Variants in TMEM132C observed in about 807,000 individuals in gnomAD.
TMEM132C encodes the protein transmembrane protein 132C.
In TMEM132C, 29 loss-of-function variants were observed where a neutral mutation model predicts 61.4. The ratio of observed to expected loss-of-function variants is 0.47; its 90% CI spans 0.35 to 0.64. TMEM132C has a LOEUF of 0.64. TMEM132C is among the 30% of genes least tolerant of loss of function. TMEM132C has a pLI of 0.00. For synonymous variants in TMEM132C, 656 were observed against 633.1 expected (o/e 1.04, Z -0.54); for missense variants, 1,408 against 1,476.9 (o/e 0.95, Z 0.76).
chr12:128,453,885 C>G (rs916767693), intron 2 of TMEM132C, among the ~76,000 whole-genome samples: 1 of 152,124 alleles, frequency 6.6e-6, no homozygotes, highest in African/African-American at 2.4e-5. Flanking sequence ...GCCTCAACAT[C>G]TCAACAATTA....
intron 2 of TMEM132C, among the ~76,000 whole-genome samples, chr12:128,427,343 GT>G (rs1472213188): frequency 6.6e-6 from 1 of 151,032 alleles, no homozygotes; most frequent in Non-Finnish European, 1.5e-5. Flanking sequence ...AGTGGGGTGT[GT>G]TTTTTTGTAT....
intron 1 of TMEM132C, among the ~76,000 whole-genome samples, chr12:128,367,571 C>T (rs564367534): frequency 7.2e-5 from 11 of 152,208 alleles, no homozygotes; most frequent in East Asian, 1.9e-4. Flanking sequence ...CCCTAGCAAG[C>T]GCACAGAGAC....
chr12:128,445,184 T>G (rs967576893), intron 2 of TMEM132C, among the ~76,000 whole-genome samples: 4 of 111,418 alleles, frequency 3.6e-5, no homozygotes, highest in Non-Finnish European at 1.8e-5. Flanking sequence ...ATAGAAAAAG[T>G]TAAAATGTTA....
chr12:128,436,549 T>C (rs1224274235), intron 2 of TMEM132C, among the ~76,000 whole-genome samples: 1 of 152,236 alleles, frequency 6.6e-6, no homozygotes, highest in Non-Finnish European at 1.5e-5. Context: ...GAAAAAATGC[T>C]CATCATCACT....
chr12:128,267,453 G>T lies in TMEM132C; in HGVS notation c.51G>T (p.Ala17=). The part of the protein sequence containing the change: ...APGPAAPLCG[A]LSLLLGALLG... ...GGCCGGCGGCGCCGCTGTGCGGGGC[G>T]CTGAGCCTGCTGCTGGGCGCGCTGC... is the stretch of plus-strand genomic sequence containing the variant. Residue 17 remains alanine (A), a synonymous_variant, in exon 1 of 9, where the codon GCG becomes GCT. Transcript: ENST00000435159. The T allele has an allele frequency of 7.9e-7, 1 of 1,267,712 alleles. No individual in the cohort carries two copies. The highest frequency in any genetic ancestry group is 9.9e-7 in the Non-Finnish European group (1 of 1,008,460). The allele number at this position is 1,267,712 out of a possible 1,614,324, so 78.5% of individuals were successfully genotyped here.
At chr12:128,670,416 C>A (rs1018924577) in intron 5 of TMEM132C, among the ~76,000 whole-genome samples, 1 of 152,044 alleles carries the variant, frequency 6.6e-6, no homozygotes, top group Non-Finnish European at 1.5e-5. Context: ...ATCTTTTGAC[C>A]AATATCTGCA....
At chr12:128,494,452 A>G (rs1871865772) in intron 2 of TMEM132C, among the ~76,000 whole-genome samples, 1 of 152,184 alleles carries the variant, frequency 6.6e-6, no homozygotes, top group Non-Finnish European at 1.5e-5. Flanking sequence ...CTCTGGTAGA[A>G]TTCTGCTGTG....
intron 2 of TMEM132C, among the ~76,000 whole-genome samples, chr12:128,488,299 A>G (rs1871573880): frequency 2.0e-5 from 3 of 152,194 alleles, no homozygotes; most frequent in African/African-American, 7.2e-5. Flanking sequence ...TGTTTGATTG[A>G]CTGATTTTAC....
At chr12:128,339,217 G>A (rs1180848371) in intron 1 of TMEM132C, among the ~76,000 whole-genome samples, 1 of 152,014 alleles carries the variant, frequency 6.6e-6, no homozygotes, top group Non-Finnish European at 1.5e-5. Context: ...ACGTGCCAGG[G>A]ACCTCCAAGG....
At chr12:128,633,385 C>A (rs2135595146) in intron 4 of TMEM132C, among the ~76,000 whole-genome samples, 1 of 152,274 alleles carries the variant, frequency 6.6e-6, no homozygotes, top group East Asian at 1.9e-4. Flanking sequence ...GCTGACTCCC[C>A]AAAATGCTAT....
chr12:128,532,034 T>C (rs4882782), intron 2 of TMEM132C, among the ~76,000 whole-genome samples: 68,153 of 152,110 alleles, frequency 0.45, 17,237 homozygotes, highest in African/African-American at 0.69. Context: ...TCTTCCCTCC[T>C]ATGTGTTGAA....
chr12:128,316,777 T>C (rs1872167848), intron 1 of TMEM132C, among the ~76,000 whole-genome samples: 1 of 152,208 alleles, frequency 6.6e-6, no homozygotes, highest in African/African-American at 2.4e-5. Flanking sequence ...ATTATTGTTA[T>C]TATTTTGACC....
intron 1 of TMEM132C, among the ~76,000 whole-genome samples, chr12:128,383,870 C>T (rs142312403): frequency 2.6e-5 from 4 of 152,192 alleles, no homozygotes; most frequent in African/African-American, 9.7e-5. Flanking sequence ...ACTGAGCAGT[C>T]CTTCCATATC....
At chr12:128,291,628 C>T (rs1208869285) in intron 1 of TMEM132C, among the ~76,000 whole-genome samples, 2 of 152,194 alleles carry the variant, frequency 1.3e-5, no homozygotes, top group Non-Finnish European at 2.9e-5. Flanking sequence ...CAGGGATATG[C>T]CCTGGAGCAA....
At chr12:128,611,708 T>A (rs1395396545) in intron 3 of TMEM132C, among the ~76,000 whole-genome samples, 1 of 152,242 alleles carries the variant, frequency 6.6e-6, no homozygotes, top group East Asian at 1.9e-4. Flanking sequence ...AGATGTTGTC[T>A]GAGCTACGCT....
At chr12:128,471,482 C>G (rs1870950480) in intron 2 of TMEM132C, among the ~76,000 whole-genome samples, 1 of 152,204 alleles carries the variant, frequency 6.6e-6, no homozygotes, top group African/African-American at 2.4e-5. Context: ...TTGTCAAGCT[C>G]TGCCCCTGGC....
At chr12:128,354,284 A>C (rs1873430688) in intron 1 of TMEM132C, among the ~76,000 whole-genome samples, 1 of 152,076 alleles carries the variant, frequency 6.6e-6, no homozygotes, top group African/African-American at 2.4e-5. Context: ...CCGGCCACTC[A>C]GTGGAGGGAG....
intron 3 of TMEM132C, among the ~76,000 whole-genome samples, chr12:128,576,170 A>G (rs1272575995): frequency 2.0e-5 from 3 of 151,250 alleles, no homozygotes; most frequent in Non-Finnish European, 4.4e-5. Flanking sequence ...CAGGAGAATC[A>G]CCTGAACCAG....
At chr12:128,330,636 A>G (rs1328500857) in intron 1 of TMEM132C, among the ~76,000 whole-genome samples, 4 of 152,188 alleles carry the variant, frequency 2.6e-5, no homozygotes, top group African/African-American at 9.7e-5. Context: ...TCATCTTCTG[A>G]CTGCTCCATT....
Sources: gnomAD v4.1 joint callset for allele counts (sites outside exome capture counted in the v4.1 genomes callset) on GRCh38, gnomAD v4.1.1 for gene constraint, MANE v1.5 for transcripts, NCBI Gene and HGNC (gene_info 2026-07-23, HGNC 2026-07-21) for gene names.